The following DCAF5 variants were observed in gnomAD, a reference collection of about 807,000 sequenced individuals.
DCAF5 encodes DDB1 and CUL4 associated factor 5, also known as DDB1- and CUL4-associated factor 5.
In DCAF5, 9 loss-of-function variants were observed where a neutral mutation model predicts 80.7. That is an observed-to-expected ratio of 0.11 (90% confidence interval 0.07 to 0.19). The LOEUF is 0.19. Among genes scored for constraint, DCAF5 ranks in the 10% least tolerant of loss-of-function variants. DCAF5 has a pLI of 1.00. For missense variants in DCAF5, 842 were observed against 1,205.7 expected, an observed-to-expected ratio of 0.70 and a Z score of 4.47; for synonymous variants, 433 against 461.9, an observed-to-expected ratio of 0.94 and a Z score of 0.80.
intron 5 of DCAF5, among the ~76,000 whole-genome samples, chr14:69,106,565 AG>A (rs1396537446): frequency 6.6e-6 from 1 of 151,858 alleles, no homozygotes; most frequent in Non-Finnish European, 1.5e-5. Flanking sequence ...TTGTAGAGAT[AG>A]GGTGTATGTT....
At chr14:69,127,147 A>G (rs2040903011) in intron 1 of DCAF5, among the ~76,000 whole-genome samples, 1 of 152,052 alleles carries the variant, frequency 6.6e-6, no homozygotes, top group South Asian at 2.1e-4. Context: ...ATTTAACCAA[A>G]GGAGTTGAAA....
At position 69,081,751 on chromosome 14, in the gene DCAF5, AAT is replaced by A. The variant is rs2039111983; in HGVS notation, c.880-6342_880-6341del. 5.3e-5 allele frequency among the ~76,000 whole-genome samples: 7 copies of A among 132,182 alleles called. No individual in the cohort carries two copies. In the South Asian group the frequency reaches 2.1e-3, roughly 39 times the overall value. 86.7% of individuals were successfully genotyped at this position (132,182 alleles called of 152,430 possible). On this transcript the variant is annotated intron_variant, in intron 6 of 8. Coordinates refer to ENST00000341516, the MANE Select transcript of DCAF5 (RefSeq NM_003861.3). ...TGTCAATCCATTGACCTTTATAGAA[AAT>A]GTGTGTGTGTGTGTATGTGTGTGTT...
intron 1 of DCAF5, among the ~76,000 whole-genome samples, chr14:69,141,037 G>C (rs1192593511): frequency 6.6e-6 from 1 of 151,524 alleles, no homozygotes; most frequent in East Asian, 1.9e-4. Flanking sequence ...TACAGGCTGA[G>C]GCAGGAGAAT....
intron 5 of DCAF5, among the ~76,000 whole-genome samples, chr14:69,115,434 T>G (rs2040511731): frequency 6.6e-6 from 1 of 152,198 alleles, no homozygotes; most frequent in Non-Finnish European, 1.5e-5. Context: ...ACTTAACTAC[T>G]CCTTTCATCT....
At chr14:69,064,641 G>A (rs906145915) in intron 7 of DCAF5, among the ~76,000 whole-genome samples, 5 of 152,194 alleles carry the variant, frequency 3.3e-5, no homozygotes, top group Non-Finnish European at 7.3e-5. Flanking sequence ...TATTAGATAG[G>A]TGGTTTTCTT....
intron 1 of DCAF5, among the ~76,000 whole-genome samples, chr14:69,129,468 G>A (rs191367056): frequency 1.3e-5 from 2 of 152,290 alleles, no homozygotes; most frequent in African/African-American, 2.4e-5. Flanking sequence ...AAACAGCTGT[G>A]CCCAAGCCTC....
chr14:69,125,248 A>G (rs2040840740), intron 1 of DCAF5, among the ~76,000 whole-genome samples: 2 of 152,228 alleles, frequency 1.3e-5, no homozygotes, highest in East Asian at 1.9e-4. Flanking sequence ...CCTTAGTAGC[A>G]TAACTCATAA....
chr14:69,110,897 A>AG (rs1419150290), intron 5 of DCAF5, among the ~76,000 whole-genome samples: 37 of 150,696 alleles, frequency 2.5e-4, no homozygotes, highest in Admixed American at 9.2e-4. Flanking sequence ...AAAAAAAAAA[A>AG]AAAAAAAAGT....
chr14:69,141,701 T>C (rs997457250), intron 1 of DCAF5, among the ~76,000 whole-genome samples: 47 of 151,736 alleles, frequency 3.1e-4, no homozygotes, highest in Admixed American at 4.6e-4. Context: ...TGACGTAGAG[T>C]TACCTAATGA....
chr14:69,151,473 G>A (rs1463305023), intron 1 of DCAF5, among the ~76,000 whole-genome samples: 1 of 152,160 alleles, frequency 6.6e-6, no homozygotes, highest in Admixed American at 6.5e-5. Context: ...GACATTCAGG[G>A]ACCGACCTGG....
intron 1 of DCAF5, among the ~76,000 whole-genome samples, chr14:69,149,865 T>G (rs746067752): frequency 6.6e-6 from 1 of 152,250 alleles, no homozygotes; most frequent in Non-Finnish European, 1.5e-5. Context: ...AGGTGTTGAC[T>G]GCTAATGAGA....
At chr14:69,085,254 C>A (rs2039271881) in intron 6 of DCAF5, 1 of 713,110 alleles carries the variant, frequency 1.4e-6, no homozygotes, top group Non-Finnish European at 2.6e-6. Context: ...TGAACGTCAA[C>A]AGCAATGAAG....
chr14:69,075,714 C>T (rs2038873023), intron 6 of DCAF5, among the ~76,000 whole-genome samples: 1 of 152,156 alleles, frequency 6.6e-6, no homozygotes, highest in Non-Finnish European at 1.5e-5. Context: ...AAACTCCTGA[C>T]CTCAGGTGAT....
intron 8 of DCAF5, among the ~76,000 whole-genome samples, chr14:69,060,954 A>AT (rs1399330336): frequency 3.1e-5 from 4 of 129,696 alleles, no homozygotes; most frequent in African/African-American, 1.1e-4. Context: ...CACAATTTTT[A>AT]TTTTTTTCTC....
At chr14:69,090,029 C>A in intron 6 of DCAF5, 1 of 985,440 alleles carries the variant, frequency 1.0e-6, no homozygotes, top group South Asian at 4.7e-5. Flanking sequence ...TGAAGAAAAT[C>A]ACCTTTCCCT....
In DCAF5 at chr14:69,085,365, C is replaced by T; in HGVS notation, c.879+6309G>A. ...TTAAACATATTAGCAAGCAAACATC[C>T]AACCGCAGGCAGTTCTCTCACTGAA... On this transcript the variant is annotated intron_variant, in intron 6 of 8. Transcript: ENST00000341516. 4 of 626,086 alleles carry T rather than the reference C, an allele frequency of 6.4e-6. 1 individual carries two copies. The highest frequency in any genetic ancestry group is 4.6e-5 in the South Asian group (3 of 64,914). 38.8% of individuals were successfully genotyped at this position (626,086 alleles called of 1,614,324 possible).
At chr14:69,079,840 C>CAT (rs904186912) in intron 6 of DCAF5, among the ~76,000 whole-genome samples, 21 of 151,550 alleles carry the variant, frequency 1.4e-4, no homozygotes, top group East Asian at 3.9e-4. Context: ...CAAAAAATAA[C>CAT]ATATATATAT....
At chr14:69,094,979 A>T (rs1402440402) in intron 5 of DCAF5, among the ~76,000 whole-genome samples, 1 of 152,230 alleles carries the variant, frequency 6.6e-6, no homozygotes, top group Non-Finnish European at 1.5e-5. Flanking sequence ...AGAGAAAACA[A>T]GGCAGAGAAA....
chr14:69,105,943 A>ATATATATATATATATC (rs1223858774), intron 5 of DCAF5, among the ~76,000 whole-genome samples: 7 of 74,202 alleles, frequency 9.4e-5, no homozygotes, highest in East Asian at 5.7e-4. Context: ...ATATATATAT[A>ATATATATATATATATC]TATCTCCTAT....
Sources: gnomAD v4.1 joint callset for allele counts (sites outside exome capture counted in the v4.1 genomes callset) on GRCh38, gnomAD v4.1.1 for gene constraint, MANE v1.5 for transcripts, NCBI Gene and HGNC (gene_info 2026-07-23, HGNC 2026-07-21) for gene names.